The following ASH2L variants were observed in gnomAD, a reference collection of about 807,000 sequenced individuals.
ASH2L encodes the protein set1/Ash2 histone methyltransferase complex subunit ASH2.
In ASH2L, 30 loss-of-function variants were observed where a neutral mutation model predicts 81.1. The observed-to-expected ratio is 0.37, with a 90% CI of 0.28 to 0.50. The LOEUF is 0.50. Among genes scored for constraint, ASH2L ranks in the 20% least tolerant of loss-of-function variants. The probability of loss-of-function intolerance (pLI) is 0.95; values close to 1 mark genes in which losing one functional copy is unlikely to be tolerated. For synonymous variants in ASH2L, 273 were observed against 279.9 expected (o/e 0.98, Z 0.24); for missense variants, 559 against 792.1 (o/e 0.71, Z 3.53).
chr8:38,106,028 C>T, intron 1 of ASH2L: 1 of 1,528,896 alleles, frequency 6.5e-7, no homozygotes, highest in Non-Finnish European at 8.7e-7. Context: ...TCACATATTC[C>T]AGAAAAGAAA....
At chr8:38,117,382 T>C in intron 8 of ASH2L, 2 of 905,210 alleles carry the variant, frequency 2.2e-6, no homozygotes, top group South Asian at 5.1e-5. Context: ...GTGTTATCTT[T>C]TTACAACATA....
intron 3 of ASH2L, among the ~76,000 whole-genome samples, chr8:38,108,783 C>T (rs976882158): frequency 6.0e-5 from 9 of 149,220 alleles, no homozygotes; most frequent in South Asian, 2.1e-4. Context: ...AGTGAGACTC[C>T]GTCTCAAAAA....
chr8:38,128,542 G>T, intron 11 of ASH2L, 84 bp downstream of exon 11: 1 of 1,532,730 alleles, frequency 6.5e-7, no homozygotes. Flanking sequence ...AAGGCTGTTG[G>T]GTTTACCAGA....
intron 8 of ASH2L, chr8:38,117,766 A>G (rs1810966110): frequency 6.6e-6 from 1 of 152,302 alleles, no homozygotes; most frequent in Admixed American, 6.6e-5. Context: ...ACAATTAAAA[A>G]TGTAATTGTG....
rs1811128387 is a variant in ASH2L at position 38,121,202 on chromosome 8, C to CATT, written c.1165+55_1165+57dup. The CATT allele has an allele frequency of 3.3e-6, 5 of 1,506,824 alleles. No homozygotes were observed. The African/African-American group carries it at 4.1e-5, about 12-fold the overall frequency. 93.3% of individuals were successfully genotyped at this position (1,506,824 alleles called of 1,614,324 possible). Reference sequence around the variant, plus strand: ...ATGCAGGGTTACTTTGAACTGCCATCATTAGCCTTGTCAGTCTAGAATTAG... The same window carrying CATT: ...ATGCAGGGTTACTTTGAACTGCCATCATTATTAGCCTTGTCAGTCTAGAATTAG... On this transcript the variant is annotated intron_variant, in intron 10 of 15. Transcript: ENST00000343823.
intron 10 of ASH2L, among the ~76,000 whole-genome samples, chr8:38,123,647 C>T (rs2130533827): frequency 6.6e-6 from 1 of 152,242 alleles, no homozygotes; most frequent in South Asian, 2.1e-4. Context: ...TGAAACATTA[C>T]TATGGTTCTG....
chr8:38,129,445 A>G (rs1471202456), intron 12 of ASH2L, among the ~76,000 whole-genome samples: 2 of 152,166 alleles, frequency 1.3e-5, no homozygotes, highest in African/African-American at 2.4e-5. Context: ...AGCCTGGGTA[A>G]CATCACGAGA....
At chr8:38,132,426 G>A (rs375691476) in intron 12 of ASH2L, among the ~76,000 whole-genome samples, 82 of 152,308 alleles carry the variant, frequency 5.4e-4, no homozygotes, top group African/African-American at 1.9e-3. Context: ...TAAGAAAGAG[G>A]TGACCCAGAG....
chr8:38,136,033 A>G (rs967329249), intron 14 of ASH2L, among the ~76,000 whole-genome samples: 1 of 151,800 alleles, frequency 6.6e-6, no homozygotes, highest in Middle Eastern at 3.5e-3. Flanking sequence ...AAGGATATAA[A>G]TACACATACA....
At position 38,113,733 on chromosome 8, in the gene ASH2L, T is replaced by C. The variant is rs568484406; in HGVS notation, c.586-459T>C. 3.9e-5 allele frequency among the ~76,000 whole-genome samples: 6 copies of C among 152,340 alleles called. No homozygotes were observed. The East Asian group carries it at 9.6e-4, about 24-fold the overall frequency. ...CTGGGTGATGACTGGTTCTAAGTTA[T>C]CAGGAGCAAGAATAGAAATCCATAA... On this transcript the variant is annotated intron_variant, in intron 5 of 15. Transcript: ENST00000343823.
At chr8:38,125,814 A>G (rs1801823975) in intron 10 of ASH2L, among the ~76,000 whole-genome samples, 1 of 152,214 alleles carries the variant, frequency 6.6e-6, no homozygotes, top group Admixed American at 6.5e-5. Flanking sequence ...CAGGGTGAAC[A>G]TCACTATTTT....
chr8:38,117,830 G>A (rs1810970072), intron 8 of ASH2L: 1 of 152,204 alleles, frequency 6.6e-6, no homozygotes, highest in Non-Finnish European at 1.5e-5. Context: ...GGCCGAGACA[G>A]GCAGATCACC....
intron 10 of ASH2L, among the ~76,000 whole-genome samples, chr8:38,126,657 A>G (rs1801856323): frequency 1.3e-5 from 2 of 151,488 alleles, no homozygotes; most frequent in Non-Finnish European, 2.9e-5. Flanking sequence ...GATCAAGACC[A>G]TCCTGGCTAA....
At chr8:38,133,337 T>C in intron 12 of ASH2L, 117 bp from the exon 13 acceptor site, 1 of 700,370 alleles carries the variant, frequency 1.4e-6, no homozygotes, top group Non-Finnish European at 2.4e-6. Flanking sequence ...ACTGCAAAGA[T>C]TTTTAATATC....
In ASH2L at chr8:38,128,634, A is replaced by G; in HGVS notation, c.1334-124A>G. The G allele has an allele frequency of 2.7e-6, 4 of 1,491,698 alleles. No individual in the cohort carries two copies. In the South Asian group the frequency reaches 5.3e-5, roughly 20 times the overall value. 92.4% of individuals were successfully genotyped at this position (1,491,698 alleles called of 1,614,324 possible). The stretch of plus-strand genomic sequence containing the variant: ...TTTTTGTAATTCTTTGCTTGTGAGA[A>G]AGTTTTTAAGCAATTTTACAAAATT... On this transcript the variant is annotated intron_variant, in intron 11 of 15. Transcript: ENST00000343823.
chr8:38,106,188 C>T, intron 1 of ASH2L, 190 bp from the exon 2 acceptor site: 1 of 1,504,276 alleles, frequency 6.6e-7, no homozygotes, highest in East Asian at 2.5e-5. Flanking sequence ...CTCCGTGGGT[C>T]CGCGACTGTC....
In ASH2L at chr8:38,135,292, T is replaced by G. The variant is rs76311466; in HGVS notation, c.1621-376T>G. On this transcript the variant is annotated intron_variant, in intron 13 of 15. Coordinates refer to ENST00000343823, the MANE Select transcript of ASH2L (RefSeq NM_004674.5). ...GTGAGATCTGTCTCTATAAAAAAATTTTAAAAATTAGCTGGATATGGTGGT... is the reference window on the plus strand; with the variant it reads ...GTGAGATCTGTCTCTATAAAAAAATGTTAAAAATTAGCTGGATATGGTGGT... Among the ~76,000 whole-genome samples the G allele has an allele frequency of 1.1e-4, 16 of 152,042 alleles. No individual in the cohort carries two copies. In the East Asian group the frequency reaches 3.1e-3, roughly 29 times the overall value.
At chr8:38,132,005 C>T (rs111238975) in intron 12 of ASH2L, among the ~76,000 whole-genome samples, 2 of 152,144 alleles carry the variant, frequency 1.3e-5, no homozygotes, top group Admixed American at 6.5e-5. Context: ...TGCACCACCA[C>T]GCCCAGCTAA....
At position 38,106,360 on chromosome 8, in the gene ASH2L, G is replaced by A. The variant is rs375021880; in HGVS notation, c.189-18G>A. 5 of 1,611,750 alleles carry A rather than the reference G, an allele frequency of 3.1e-6. No individual in the cohort carries two copies. Among genetic ancestry groups the A allele is most frequent in the East Asian group, 2.2e-5 (1 of 44,872 alleles). On this transcript the variant is annotated intron_variant, in intron 1 of 15. Coordinates refer to ENST00000343823, the MANE Select transcript of ASH2L (RefSeq NM_004674.5). The stretch of plus-strand genomic sequence containing the variant: ...TTGTCTTGAGAATTCTTACTTGAGC[G>A]CTTTCATTATCTTATAGGGAGGCAA...
Sources: gnomAD v4.1 joint callset for allele counts (sites outside exome capture counted in the v4.1 genomes callset) on GRCh38, gnomAD v4.1.1 for gene constraint, MANE v1.5 for transcripts, NCBI Gene and HGNC (gene_info 2026-07-23, HGNC 2026-07-21) for gene names.